Variants in INPP1 observed in about 807,000 individuals in gnomAD.
INPP1 encodes inositol polyphosphate 1-phosphatase.
In INPP1, 18 loss-of-function variants were observed where a neutral mutation model predicts 23.0. The observed-to-expected ratio is 0.78, with a 90% confidence interval of 0.54 to 1.16. INPP1 has a LOEUF of 1.16. INPP1 is among the 50% of genes most tolerant of loss of function. The pLI, the probability that INPP1 is intolerant of heterozygous loss-of-function variation, is 0.00. For synonymous variants in INPP1, 164 were observed against 176.3 expected, an observed-to-expected ratio of 0.93 and a Z score of 0.55; for missense variants, 448 against 482.1, an observed-to-expected ratio of 0.93 and a Z score of 0.66.
rs1440094148 is a variant in INPP1, at chr2:190,343,951, C to A, written c.-219C>A. ...CTGCTGCCTCCTGCTCTGTCCTCAT[C>A]CCCGGCTTAGGTAACACGTTTTCCT... On this transcript the variant is annotated 5_prime_UTR_variant, in exon 1 of 7. Coordinates refer to ENST00000392329, the MANE Select transcript of INPP1 (RefSeq NM_001128928.2). The A allele has an allele frequency of 8.4e-6, 2 of 237,848 alleles. No individual in the cohort carries two copies. Among genetic ancestry groups the A allele is most frequent in the South Asian group, 4.1e-5 (1 of 24,596 alleles). The allele number at this position is 237,848 out of a possible 1,614,324, so 14.7% of individuals were successfully genotyped here.
chr2:190,360,783 G>GTTT (rs10695567), intron 3 of INPP1, among the ~76,000 whole-genome samples: 10 of 149,692 alleles, frequency 6.7e-5, no homozygotes, highest in African/African-American at 1.2e-4. Flanking sequence ...TTTGTAACCT[G>GTTT]TTTTTTTTTT....
intron 2 of INPP1, among the ~76,000 whole-genome samples, chr2:190,357,875 G>T (rs1689447904): frequency 6.6e-6 from 1 of 152,150 alleles, no homozygotes; most frequent in African/African-American, 2.4e-5. Context: ...ATGTCTCGTT[G>T]CTTGTATGCC....
intron 2 of INPP1, among the ~76,000 whole-genome samples, chr2:190,353,749 T>C (rs932301770): frequency 2.0e-5 from 3 of 152,244 alleles, no homozygotes; most frequent in African/African-American, 7.2e-5. Flanking sequence ...CAGGCCTTTC[T>C]GATTCAAAAG....
intron 3 of INPP1, among the ~76,000 whole-genome samples, chr2:190,362,047 T>A (rs1202364447): frequency 4.6e-5 from 7 of 152,214 alleles, no homozygotes; most frequent in Admixed American, 4.6e-4. Context: ...ATTTATTCAC[T>A]CTATATATTG....
chr2:190,361,886 C>G (rs2067415), intron 3 of INPP1, among the ~76,000 whole-genome samples: 2 of 151,970 alleles, frequency 1.3e-5, no homozygotes, highest in African/African-American at 2.4e-5. Flanking sequence ...ATTTGAAGCA[C>G]GTCCTTGCTT....
intron 3 of INPP1, among the ~76,000 whole-genome samples, chr2:190,362,183 A>G (rs1374805083): frequency 6.6e-6 from 1 of 152,196 alleles, no homozygotes; most frequent in Admixed American, 6.5e-5. Context: ...AATGTTATCT[A>G]TCCTCTAATT....
chr2:190,358,760 C>G (rs891582971), intron 2 of INPP1, among the ~76,000 whole-genome samples: 11 of 152,174 alleles, frequency 7.2e-5, no homozygotes, highest in African/African-American at 2.7e-4. Flanking sequence ...AGAACTGTTT[C>G]TCTCCTAATT....
intron 2 of INPP1, among the ~76,000 whole-genome samples, chr2:190,351,807 G>A (rs562345494): frequency 2.0e-5 from 3 of 152,246 alleles, no homozygotes; most frequent in East Asian, 3.9e-4. Flanking sequence ...CATGAGTTTT[G>A]TTGGGTAAAT....
At position 190,354,740 on chromosome 2, in the gene INPP1, C is replaced by G. The variant is rs1037566288; in HGVS notation, c.-64-5299C>G. ...CAGAAGAATTAGGTATTGGGCATGC[C>G]CCCTGCCATCAATGCCATGACAGTT... On this transcript the variant is annotated intron_variant, in intron 2 of 6. Transcript: ENST00000392329. This position sits in a 1 kb window ranked among gnomAD's most constrained non-coding sequence, Gnocchi z 4.8. Among the ~76,000 whole-genome samples, 1 of 152,174 alleles carries G rather than the reference C, an allele frequency of 6.6e-6. No homozygotes were observed. Among genetic ancestry groups the G allele is most frequent in the Non-Finnish European group, 1.5e-5 (1 of 68,040 alleles).
In INPP1 at chr2:190,371,371, A is replaced by G; in HGVS notation, c.1169A>G (p.Gln390Arg). ...RLETFLSLLV[Q>R]NLAPAETHT Reference sequence around the variant, plus strand: ...GAGACATTCCTGAGCCTCCTGGTCCAAAACCTGGCACCTGCAGAGACGCAT... The same window carrying G: ...GAGACATTCCTGAGCCTCCTGGTCCGAAACCTGGCACCTGCAGAGACGCAT... Residue 390 changes from glutamine to arginine, a missense_variant, in exon 7 of 7, where the codon CAA (glutamine) becomes CGA (arginine). Gln to Arg is a conservative substitution (Grantham distance 43). Coordinates refer to ENST00000392329, the MANE Select transcript of INPP1 (RefSeq NM_001128928.2). The surrounding 1 kb of genome is among the most constrained non-coding windows in gnomAD (Gnocchi z 5.3). 1 of 1,533,936 alleles carries G rather than the reference A, an allele frequency of 6.5e-7. No individual in the cohort carries two copies. The highest frequency in any genetic ancestry group is 8.8e-7 in the Non-Finnish European group (1 of 1,141,634).
chr2:190,363,463 A>AC lies in INPP1; in HGVS notation c.265+778dup, dbSNP rs1689572918. The stretch of plus-strand genomic sequence containing the variant: ...TGGCCAGGCTGGTCTCAAACTCCTG[A>AC]CCTCAGGTAATCTGATTTCTTTCAG... On this transcript the variant is annotated intron_variant, in intron 4 of 6. Coordinates refer to ENST00000392329, the MANE Select transcript of INPP1 (RefSeq NM_001128928.2). This position sits in a 1 kb window ranked among gnomAD's most constrained non-coding sequence, Gnocchi z 4.4. Among the ~76,000 whole-genome samples, 1 of 151,840 alleles carries AC rather than the reference A, an allele frequency of 6.6e-6. No homozygotes were observed. The highest frequency in any genetic ancestry group is 2.4e-5 in the African/African-American group (1 of 41,308).
chr2:190,351,696 G>T (rs188268416), intron 2 of INPP1, among the ~76,000 whole-genome samples: 127 of 152,282 alleles, frequency 8.3e-4, no homozygotes, highest in African/African-American at 2.9e-3. Context: ...ATATGCTGCA[G>T]TTTATTCCAT....
intron 4 of INPP1, among the ~76,000 whole-genome samples, chr2:190,366,454 T>G (rs1689675407): frequency 6.6e-6 from 1 of 151,234 alleles, no homozygotes; most frequent in Admixed American, 6.6e-5. Flanking sequence ...ACTCTCTCTG[T>G]CTTGCTCTCT....
intron 4 of INPP1, among the ~76,000 whole-genome samples, chr2:190,364,727 A>G (rs533543761): frequency 3.3e-5 from 5 of 151,096 alleles, no homozygotes; most frequent in African/African-American, 1.2e-4. Context: ...AGTAGCTGGG[A>G]TTACAGACAT....
chr2:190,355,387 G>A lies in INPP1; in HGVS notation c.-64-4652G>A, dbSNP rs1403775239. Among the ~76,000 whole-genome samples the A allele has an allele frequency of 5.9e-5, 9 of 152,182 alleles. No individual in the cohort carries two copies. Among genetic ancestry groups the A allele is most frequent in the Non-Finnish European group, 1.0e-4 (7 of 68,038 alleles). ...CCTACATTGTTTCACCAAGATACCT[G>A]CCAGCAGGTGCCAGCTGCCACTAAA... On this transcript the variant is annotated intron_variant, in intron 2 of 6. Coordinates refer to ENST00000392329, the MANE Select transcript of INPP1 (RefSeq NM_001128928.2). This position sits in a 1 kb window ranked among gnomAD's most constrained non-coding sequence, Gnocchi z 5.1.
rs755770972 is a variant in INPP1 at position 190,371,050 on chromosome 2, G to A, written c.848G>A (p.Arg283His). 8.7e-6 allele frequency: 14 copies of A among 1,613,852 alleles called. No homozygotes were observed. The highest frequency in any genetic ancestry group is 3.3e-4 in the Middle Eastern group (2 of 6,082). The change falls in exon 7 of 7, where the codon CGC becomes CAC. Residue 283 changes from arginine to histidine, a missense_variant. By Grantham distance (29) the Arg-to-His change is conservative. Coordinates refer to ENST00000392329, the MANE Select transcript of INPP1 (RefSeq NM_001128928.2). This position sits in a 1 kb window ranked among gnomAD's most constrained non-coding sequence, Gnocchi z 5.3. ...KAALSRVCGDRIFGAAGAGYK... is the reference protein window; with the variant it reads ...KAALSRVCGDHIFGAAGAGYK... ...GCATTGTCACGTGTGTGTGGAGATC[G>A]CATATTTGGGGCAGCTGGGGCTGGT...
intron 2 of INPP1, among the ~76,000 whole-genome samples, chr2:190,350,717 G>C (rs1689308854): frequency 6.6e-6 from 1 of 152,200 alleles, no homozygotes; most frequent in Non-Finnish European, 1.5e-5. Context: ...GAAGGTTAGG[G>C]AGGAAAGAGA....
intron 2 of INPP1, among the ~76,000 whole-genome samples, chr2:190,353,026 T>C (rs560262286): frequency 6.6e-6 from 1 of 152,358 alleles, no homozygotes; most frequent in Non-Finnish European, 1.5e-5. Context: ...TGTTGAATTA[T>C]CTGCCGGAAG....
chr2:190,371,283 G>A lies in INPP1; in HGVS notation c.1081G>A (p.Ala361Thr). Residue 361 changes from alanine (A) to threonine (T), a missense_variant, in exon 7 of 7, where the codon GCT becomes ACT. By Grantham distance (58) the Ala-to-Thr change is moderately conservative (BLOSUM62 0). Transcript: ENST00000392329. The surrounding 1 kb of genome is among the most constrained non-coding windows in gnomAD (Gnocchi z 5.3). Reference sequence around the variant, plus strand: ...GTACCACGTGGAAAATGAGGGTGCTGCTGGGGTGGATCGGTGGGCCAACAA... The same window carrying A: ...GTACCACGTGGAAAATGAGGGTGCTACTGGGGTGGATCGGTGGGCCAACAA... The part of the protein sequence containing the change: ...LVYHVENEGA[A>T]GVDRWANKGG... The A allele has an allele frequency of 1.2e-6, 2 of 1,611,274 alleles. No individual in the cohort carries two copies. Among genetic ancestry groups the A allele is most frequent in the Non-Finnish European group, 1.7e-6 (2 of 1,178,170 alleles).
Sources: gnomAD v4.1 joint callset for allele counts (sites outside exome capture counted in the v4.1 genomes callset) on GRCh38, gnomAD v4.1.1 for gene constraint, Gnocchi (gnomAD v3.1) non-coding constraint, MANE v1.5 for transcripts, NCBI Gene and HGNC (gene_info 2026-07-23, HGNC 2026-07-21) for gene names.